The following PAPSS1 variants were observed in gnomAD, a reference collection of about 807,000 sequenced individuals.
The protein encoded by PAPSS1 is bifunctional 3'-phosphoadenosine 5'-phosphosulfate synthase 1.
Under a neutral mutation model 72.0 loss-of-function variants are expected in PAPSS1, and 50 were observed. That is an observed-to-expected ratio of 0.69 (90% CI 0.55 to 0.88). The LOEUF is 0.88. Among genes scored for constraint, PAPSS1 ranks in the 40% least tolerant of loss-of-function variants. The pLI is 0.00. For synonymous variants in PAPSS1, 261 were observed against 263.6 expected (o/e 0.99, Z 0.09); for missense variants, 657 against 782.2 (o/e 0.84, Z 1.91).
chr4:107,674,730 A>T (rs1014469721), intron 5 of PAPSS1, among the ~76,000 whole-genome samples: 23 of 151,910 alleles, frequency 1.5e-4, no homozygotes, highest in Non-Finnish European at 2.6e-4. Flanking sequence ...CAGAATATAC[A>T]TTATTCTCAG....
chr4:107,615,760 G>A (rs58723161), intron 11 of PAPSS1, among the ~76,000 whole-genome samples: 4,571 of 152,218 alleles, frequency 0.03, 222 homozygotes, highest in African/African-American at 0.1. Context: ...TGAACTTATA[G>A]GTAAAACCTT....
rs146399337 is a variant in PAPSS1 at position 107,644,871 on chromosome 4, T to C, written c.1437A>G (p.Gly479=). 6.2e-7 allele frequency: 1 copy of C among 1,613,778 alleles called. No homozygotes were observed. Among genetic ancestry groups the C allele is most frequent in the East Asian group, 2.2e-5 (1 of 44,866 alleles). Residue 479 remains glycine (G), a synonymous_variant, in exon 10 of 12, where the codon GGA becomes GGG. Transcript: ENST00000265174. ...CCACTGTCGTCTCAGGATTCAGAAC[T>C]CCTTCCTCCAACACTGCAGCATGCT... The part of the protein sequence containing the change: ...MKQHAAVLEE[G]VLNPETTVVA...
chr4:107,658,289 A>AG (rs1392830446), intron 6 of PAPSS1, among the ~76,000 whole-genome samples: 1 of 145,492 alleles, frequency 6.9e-6, no homozygotes, highest in African/African-American at 2.5e-5. Flanking sequence ...TGGTCTTGTT[A>AG]GGAAAAAAAA....
At chr4:107,659,444 A>G (rs1727111213) in intron 6 of PAPSS1, among the ~76,000 whole-genome samples, 1 of 152,184 alleles carries the variant, frequency 6.6e-6, no homozygotes, top group Non-Finnish European at 1.5e-5. Flanking sequence ...AAAATTCTCT[A>G]AGACTCGAAA....
intron 4 of PAPSS1, among the ~76,000 whole-genome samples, chr4:107,685,360 T>C (rs1163358447): frequency 6.6e-6 from 1 of 152,180 alleles, no homozygotes; most frequent in Non-Finnish European, 1.5e-5. Context: ...ATGACAAACC[T>C]TCCTCCCTCA....
At chr4:107,719,623 T>C (rs924783434) in intron 1 of PAPSS1, among the ~76,000 whole-genome samples, 2 of 152,030 alleles carry the variant, frequency 1.3e-5, no homozygotes, top group African/African-American at 2.4e-5. Context: ...AACTCAGAAA[T>C]GGAAAGACAC....
At chr4:107,690,008 C>T (rs528757628) in intron 3 of PAPSS1, among the ~76,000 whole-genome samples, 13 of 152,184 alleles carry the variant, frequency 8.5e-5, no homozygotes, top group African/African-American at 3.1e-4. Context: ...TAAATATGCC[C>T]CCATCTTTAC....
At chr4:107,711,520 T>C (rs1332826608) in intron 1 of PAPSS1, among the ~76,000 whole-genome samples, 1 of 152,248 alleles carries the variant, frequency 6.6e-6, no homozygotes, top group Non-Finnish European at 1.5e-5. Context: ...AAGTGAAATG[T>C]ATAAAGACAC....
rs145249170 is a variant in PAPSS1, at chr4:107,684,954, A to G, written c.550+2085T>C. ...GGAGTCTCGCTCTGTCGCCCAGGCT[A>G]GAGTGCAGTGGCACAATTTCGGCTC... On this transcript the variant is annotated intron_variant, in intron 4 of 11. Coordinates refer to ENST00000265174, the MANE Select transcript of PAPSS1 (RefSeq NM_005443.5). 4.4e-3 allele frequency among the ~76,000 whole-genome samples: 666 copies of G among 152,018 alleles called. 2 individuals are homozygous for G. The highest frequency in any genetic ancestry group is 9.3e-3 in the African/African-American group (386 of 41,464).
chr4:107,652,875 A>G (rs1000449407), intron 9 of PAPSS1, among the ~76,000 whole-genome samples: 1 of 151,962 alleles, frequency 6.6e-6, no homozygotes, highest in Non-Finnish European at 1.5e-5. Context: ...TGTTTCTTTT[A>G]ATTTTTGCTT....
At chr4:107,705,299 G>A (rs1169535919) in intron 1 of PAPSS1, among the ~76,000 whole-genome samples, 1 of 152,216 alleles carries the variant, frequency 6.6e-6, no homozygotes. Context: ...TGTGGAGGGA[G>A]CGACATGGTA....
chr4:107,661,252 G>A lies in PAPSS1; in HGVS notation c.670-1180C>T, dbSNP rs533567088. Among the ~76,000 whole-genome samples, 3 of 152,190 alleles carry A rather than the reference G, an allele frequency of 2.0e-5. No homozygotes were observed. In the East Asian group the frequency reaches 5.9e-4, roughly 30 times the overall value. ...ATAGGAACCCTCATTCATAGCTGGT[G>A]GGGATGCAAAATGGTACAGCTACTT... On this transcript the variant is annotated intron_variant, in intron 5 of 11. Coordinates refer to ENST00000265174, the MANE Select transcript of PAPSS1 (RefSeq NM_005443.5).
intron 11 of PAPSS1, among the ~76,000 whole-genome samples, chr4:107,629,826 A>G (rs1019794913): frequency 2.6e-5 from 4 of 152,180 alleles, no homozygotes; most frequent in Admixed American, 2.6e-4. Flanking sequence ...GAATGTTTTG[A>G]GAAAGTTAGC....
chr4:107,630,657 G>GT (rs996694146), intron 11 of PAPSS1, among the ~76,000 whole-genome samples: 1 of 152,102 alleles, frequency 6.6e-6, no homozygotes, highest in Admixed American at 6.6e-5. Context: ...AAAAGCTTGG[G>GT]TTTTTTTGCT....
At chr4:107,634,561 A>T (rs377161321) in intron 10 of PAPSS1, among the ~76,000 whole-genome samples, 1 of 152,048 alleles carries the variant, frequency 6.6e-6, no homozygotes, top group Non-Finnish European at 1.5e-5. Flanking sequence ...AATTAACAAG[A>T]TATGTTATCT....
At chr4:107,621,685 A>G (rs1236527978) in intron 11 of PAPSS1, among the ~76,000 whole-genome samples, 2 of 131,024 alleles carry the variant, frequency 1.5e-5, no homozygotes, top group Non-Finnish European at 3.1e-5. Flanking sequence ...CAGTGGCACG[A>G]TATCAGCTCA....
rs1726138413 is a variant in PAPSS1, at chr4:107,627,879, CAT to C, written c.1736+3750_1736+3751del. On this transcript the variant is annotated intron_variant, in intron 11 of 11. Transcript: ENST00000265174. ...GGTGTACATATATAGTATATATACACATACATACAGATACATATTTCTTTTAA... is the reference window on the plus strand; with the variant it reads ...GGTGTACATATATAGTATATATACACACATACAGATACATATTTCTTTTAA... Among the ~76,000 whole-genome samples the C allele has an allele frequency of 2.6e-5, 4 of 152,230 alleles. No homozygotes were observed. In the South Asian group the frequency reaches 8.3e-4, roughly 32 times the overall value.
intron 11 of PAPSS1, among the ~76,000 whole-genome samples, chr4:107,627,522 A>C (rs1726129803): frequency 6.6e-6 from 1 of 152,136 alleles, no homozygotes; most frequent in African/African-American, 2.4e-5. Context: ...TAGTGGTTTT[A>C]AAGTGGGGAG....
In PAPSS1 at chr4:107,660,047, T is replaced by A. The variant is rs1578404563; in HGVS notation, c.695A>T (p.Tyr232Phe). ...TGGCACATATAGTTCTTTTACTTCA[T>A]AAGATGCATCCACAGGTACAATATC... ...ERDIVPVDASYEVKELYVPEN... is the reference protein window; with the variant it reads ...ERDIVPVDASFEVKELYVPEN... Residue 232 changes from tyrosine (Y) to phenylalanine (F), a missense_variant, in exon 6 of 12, where the codon TAT (tyrosine) becomes TTT (phenylalanine). By Grantham distance (22) the Tyr-to-Phe change is conservative. This residue lies in a region of PAPSS1 where 190 missense variants were observed against 176.7 expected (regional missense o/e 1.07). Transcript: ENST00000265174. The A allele has an allele frequency of 4.4e-6, 7 of 1,591,406 alleles. No homozygotes were observed. Among genetic ancestry groups the A allele is most frequent in the Non-Finnish European group, 6.0e-6 (7 of 1,163,164 alleles).
Sources: gnomAD v4.1 joint callset for allele counts (sites outside exome capture counted in the v4.1 genomes callset) on GRCh38, gnomAD v4.1.1 for gene constraint, gnomAD v4.1.1 regional missense constraint, MANE v1.5 for transcripts, NCBI Gene and HGNC (gene_info 2026-07-23, HGNC 2026-07-21) for gene names.